IGFL2: variants seen among roughly 807,000 people sequenced by gnomAD.
The protein encoded by IGFL2 is IGF like family member 2, also known as insulin growth factor-like family member 2.
In IGFL2, 7 loss-of-function variants were observed where a neutral mutation model predicts 13.9. That is an observed-to-expected ratio of 0.51 (90% CI 0.29 to 0.95). IGFL2 has a LOEUF of 0.95. Ranked by LOEUF, IGFL2 falls within the 40% of genes least tolerant of loss-of-function variation. The pLI is 0.08. For missense variants in IGFL2, 138 were observed against 147.8 expected, an observed-to-expected ratio of 0.93 and a Z score of 0.34; for synonymous variants, 55 against 55.8, an observed-to-expected ratio of 0.99 and a Z score of 0.07.
chr19:46,193,722 TA>T, the IGFL2 span, among the ~76,000 whole-genome samples: 2 of 152,320 alleles, frequency 1.3e-5, no homozygotes, highest in Non-Finnish European at 2.9e-5. Flanking sequence ...CACTATGTGG[TA>T]ACTGTTACAA....
At chr19:46,109,806 C>T in the IGFL2 span, among the ~76,000 whole-genome samples, 1 of 152,100 alleles carries the variant, frequency 6.6e-6, no homozygotes, top group African/African-American at 2.4e-5. Flanking sequence ...GTCAATTGAT[C>T]AGTTAGGGTG....
chr19:46,103,269 T>C, the IGFL2 span, among the ~76,000 whole-genome samples: 1 of 152,150 alleles, frequency 6.6e-6, no homozygotes, highest in Non-Finnish European at 1.5e-5. Context: ...CCTTTTTTTT[T>C]AGCAGTAAGT....
chr19:46,079,259 A>G, the IGFL2 span, among the ~76,000 whole-genome samples: 2 of 152,246 alleles, frequency 1.3e-5, no homozygotes, highest in Non-Finnish European at 2.9e-5. Flanking sequence ...TGCAGAGTTC[A>G]TGGCTGGGGC....
chr19:46,113,536 G>C, the IGFL2 span: 1 of 331,292 alleles, frequency 3.0e-6, no homozygotes, highest in Non-Finnish European at 6.2e-6. Flanking sequence ...GTTGTCACAG[G>C]AAAGACAATG....
At chr19:46,154,668 C>G (rs1480146422) in intron 1 of IGFL2, among the ~76,000 whole-genome samples, 3 of 151,986 alleles carry the variant, frequency 2.0e-5, no homozygotes, top group Non-Finnish European at 4.4e-5. Flanking sequence ...CCAGGATGGT[C>G]TGGATCTCCT....
At chr19:46,079,751 A>G in the IGFL2 span, among the ~76,000 whole-genome samples, 1 of 152,212 alleles carries the variant, frequency 6.6e-6, no homozygotes, top group African/African-American at 2.4e-5. Flanking sequence ...GCGACTCCAG[A>G]TGAAATTGCC....
At chr19:46,183,072 C>T in the IGFL2 span, among the ~76,000 whole-genome samples, 1 of 152,172 alleles carries the variant, frequency 6.6e-6, no homozygotes, top group African/African-American at 2.4e-5. Flanking sequence ...CTCACAGTTC[C>T]ATGTGGCTGG....
At chr19:46,190,970 C>T in the IGFL2 span, among the ~76,000 whole-genome samples, 1 of 152,112 alleles carries the variant, frequency 6.6e-6, no homozygotes, top group African/African-American at 2.4e-5. Flanking sequence ...CCAGTCCAAG[C>T]TCCATCTCCC....
At chr19:46,182,134 C>G in the IGFL2 span, among the ~76,000 whole-genome samples, 1 of 151,884 alleles carries the variant, frequency 6.6e-6, no homozygotes, top group Non-Finnish European at 1.5e-5. Context: ...TTTGAGAGGC[C>G]GAGGTGGGCA....
intron 1 of IGFL2, among the ~76,000 whole-genome samples, chr19:46,153,833 A>T (rs961748575): frequency 1.2e-4 from 18 of 145,962 alleles, no homozygotes; most frequent in African/African-American, 4.6e-4. Flanking sequence ...ATATATATAT[A>T]TATATATTTT....
the IGFL2 span, among the ~76,000 whole-genome samples, chr19:46,092,160 T>G: frequency 6.6e-6 from 1 of 151,974 alleles, no homozygotes; most frequent in African/African-American, 2.4e-5. Context: ...ATACTAACTT[T>G]GTGTTGTTGT....
At chr19:46,196,910 C>T in the IGFL2 span, 1 of 156,004 alleles carries the variant, frequency 6.4e-6, no homozygotes, top group African/African-American at 2.4e-5. Flanking sequence ...TGTGGAGCCC[C>T]CAGGTGAGCC....
At chr19:46,174,275 G>A in the IGFL2 span, among the ~76,000 whole-genome samples, 1 of 152,178 alleles carries the variant, frequency 6.6e-6, no homozygotes, top group Admixed American at 6.5e-5. Context: ...ATGTGTTTTG[G>A]ATTTCAACAC....
At chr19:46,137,687 C>T in the IGFL2 span, 2 of 552,102 alleles carry the variant, frequency 3.6e-6, no homozygotes, top group South Asian at 4.3e-5. Flanking sequence ...GCCTTGGTCC[C>T]CGGCTTCAGG....
chr19:46,081,232 C>T, the IGFL2 span, among the ~76,000 whole-genome samples: 1 of 152,136 alleles, frequency 6.6e-6, no homozygotes, highest in East Asian at 1.9e-4. Flanking sequence ...TGTTCATTAT[C>T]GTGATTGCGT....
chr19:46,118,212 A>G, the IGFL2 span, among the ~76,000 whole-genome samples: 1 of 152,216 alleles, frequency 6.6e-6, no homozygotes, highest in African/African-American at 2.4e-5. Flanking sequence ...ATAAATTGGA[A>G]TAGACTTTGG....
At chr19:46,122,358 C>G in the IGFL2 span, among the ~76,000 whole-genome samples, 1 of 151,098 alleles carries the variant, frequency 6.6e-6, no homozygotes, top group Non-Finnish European at 1.5e-5. Context: ...TAATTTTCTC[C>G]CAGCACATCT....
At chr19:46,149,091 A>C in intron 1 of IGFL2, 1 of 1,384,486 alleles carries the variant, frequency 7.2e-7, no homozygotes, top group Non-Finnish European at 1.0e-6. Context: ...GTATTCCATC[A>C]AGATGAGCAA....
chr19:46,191,964 A>ATTTTATACATGTGAGAGGTGTTC, the IGFL2 span, among the ~76,000 whole-genome samples: 5 of 152,122 alleles, frequency 3.3e-5, no homozygotes, highest in African/African-American at 9.7e-5. Context: ...GTTTTCCATT[A>ATTTTATACATGTGAGAGGTGTTC]TTTTATACAT....
Sources: gnomAD v4.1 joint callset for allele counts (sites outside exome capture counted in the v4.1 genomes callset) on GRCh38, gnomAD v4.1.1 for gene constraint, MANE v1.5 for transcripts, NCBI Gene and HGNC (gene_info 2026-07-23, HGNC 2026-07-21) for gene names.